Variants in CHD2 observed in about 807,000 individuals in gnomAD.
CHD2 encodes the protein chromodomain helicase DNA binding protein 2, also known as ATP-dependent chromatin remodeler CHD2.
A neutral mutation model predicts 243.9 loss-of-function variants in CHD2; 28 were observed. The ratio of observed to expected loss-of-function variants is 0.11; its 90% CI spans 0.09 to 0.16. The LOEUF is 0.16. CHD2 is among the 10% of genes least tolerant of loss of function. The pLI is 1.00. For synonymous variants in CHD2, 775 were observed against 779.0 expected, an observed-to-expected ratio of 0.99 and a Z score of 0.09; for missense variants, 1,386 against 2,209.8, an observed-to-expected ratio of 0.63 and a Z score of 7.47.
At chr15:92,960,122 G>C (rs2053666151) in intron 16 of CHD2, among the ~76,000 whole-genome samples, 1 of 152,076 alleles carries the variant, frequency 6.6e-6, no homozygotes, top group Admixed American at 6.5e-5. Context: ...TATATTTGGA[G>C]TGGAATTTTT....
At position 92,900,632 on chromosome 15, in the gene CHD2, GT is replaced by G. The variant is rs560673016; in HGVS notation, c.-256del. ...CATTTTTGTGCGCTCTCCTAATGAGGTTTTTTTTCTTTCGGACCTGTTTTAG... is the reference window on the plus strand; with the variant it reads ...CATTTTTGTGCGCTCTCCTAATGAGGTTTTTTTCTTTCGGACCTGTTTTAG... On this transcript the variant is annotated 5_prime_UTR_variant, in exon 1 of 39. It introduces an in-frame stop codon into an upstream open reading frame of the 5' UTR. Transcript: ENST00000394196. The G allele has an allele frequency of 1.5e-5, 6 of 398,006 alleles. No homozygotes were observed. The highest frequency in any genetic ancestry group is 2.7e-5 in the Non-Finnish European group (6 of 225,994). 24.7% of individuals were successfully genotyped at this position (398,006 alleles called of 1,614,324 possible). A position where few individuals can be genotyped will look rare whatever the true frequency, so the allele number is the denominator to read the frequency against.
intron 2 of CHD2, chr15:92,905,130 T>C: frequency 1.2e-6 from 1 of 801,522 alleles, no homozygotes; most frequent in South Asian, 1.9e-5. Context: ...CAACCATTAC[T>C]ATGTAAGTAA....
intron 19 of CHD2, chr15:92,973,845 A>G (rs1347673072): frequency 6.6e-6 from 1 of 152,204 alleles, no homozygotes; most frequent in Non-Finnish European, 1.5e-5. Context: ...AGGCGGCATT[A>G]GGTTTTCTGA....
At chr15:92,908,214 T>A (rs2052658247) in intron 2 of CHD2, among the ~76,000 whole-genome samples, 1 of 151,720 alleles carries the variant, frequency 6.6e-6, no homozygotes, top group Admixed American at 6.6e-5. Context: ...TGTTAGAGAA[T>A]GAATACTGAA....
At chr15:92,940,866 A>AT (rs2053357388) in intron 7 of CHD2, among the ~76,000 whole-genome samples, 1 of 124,494 alleles carries the variant, frequency 8.0e-6, no homozygotes, top group African/African-American at 2.7e-5. Context: ...ATAAATATAT[A>AT]AAAATATACA....
intron 37 of CHD2, among the ~76,000 whole-genome samples, chr15:93,019,732 G>A (rs2054508140): frequency 6.6e-6 from 1 of 152,138 alleles, no homozygotes; most frequent in Non-Finnish European, 1.5e-5. Context: ...TCAGGAGTTT[G>A]AGACCAGCCT....
intron 2 of CHD2, among the ~76,000 whole-genome samples, chr15:92,912,445 C>A (rs904949558): frequency 6.6e-6 from 1 of 152,200 alleles, no homozygotes; most frequent in Non-Finnish European, 1.5e-5. Context: ...TAACCTCTGC[C>A]CCCTGGGTTC....
chr15:92,982,008 A>G (rs2053986426), intron 24 of CHD2, among the ~76,000 whole-genome samples: 1 of 152,214 alleles, frequency 6.6e-6, no homozygotes, highest in South Asian at 2.1e-4. Context: ...AAGCTTAGTG[A>G]AAGAGTACAG....
chr15:92,945,637 A>G (rs377683805), intron 10 of CHD2, 184 bp from the exon 11 acceptor site: 116 of 344,594 alleles, frequency 3.4e-4, no homozygotes, highest in African/African-American at 2.3e-3. Flanking sequence ...GCCTCAAGCA[A>G]TCTGCCTGCC....
At chr15:92,963,791 A>T (rs1339885637) in intron 16 of CHD2, among the ~76,000 whole-genome samples, 1 of 152,252 alleles carries the variant, frequency 6.6e-6, no homozygotes, top group Non-Finnish European at 1.5e-5. Flanking sequence ...TTGAACTTCA[A>T]GTTCTAGGAG....
At chr15:92,949,824 G>C (rs1011476838) in intron 13 of CHD2, among the ~76,000 whole-genome samples, 1 of 152,240 alleles carries the variant, frequency 6.6e-6, no homozygotes, top group Admixed American at 6.5e-5. Context: ...CTGCAGAAAG[G>C]GTGCTTCTTG....
chr15:92,993,263 C>A (rs1184165864), intron 28 of CHD2: 2 of 343,624 alleles, frequency 5.8e-6, no homozygotes, highest in Non-Finnish European at 5.5e-6. Flanking sequence ...TTAAATTCGT[C>A]GGAGTGATGT....
chr15:92,941,581 C>T (rs1442789692), intron 7 of CHD2, among the ~76,000 whole-genome samples: 1 of 151,990 alleles, frequency 6.6e-6, no homozygotes, highest in Admixed American at 6.6e-5. Flanking sequence ...TTATACAAAT[C>T]AGTATAAATA....
chr15:93,011,160 C>G (rs955811656), intron 35 of CHD2, among the ~76,000 whole-genome samples: 1 of 151,820 alleles, frequency 6.6e-6, no homozygotes, highest in African/African-American at 2.4e-5. Flanking sequence ...TTTAAATGTG[C>G]CAGGCACTGT....
intron 2 of CHD2, chr15:92,901,900 T>G (rs2052533995): frequency 3.1e-6 from 1 of 323,510 alleles, no homozygotes. Context: ...TTTTAGGAAA[T>G]TTTGATGTGA....
In CHD2 at chr15:92,932,011, C is replaced by T. The variant is rs142857821; in HGVS notation, c.443+2920C>T. Among the ~76,000 whole-genome samples the T allele has an allele frequency of 9.8e-3, 1,494 of 152,102 alleles. 16 individuals are homozygous for T. Among genetic ancestry groups the T allele is most frequent in the Middle Eastern group, 0.017 (5 of 294 alleles). ...CCGAGTAGCTGGGACTACAGGCGTG[C>T]GCCACCACGTCCAGCTAATTTTTTC... On this transcript the variant is annotated intron_variant, in intron 5 of 38. Coordinates refer to ENST00000394196, the MANE Select transcript of CHD2 (RefSeq NM_001271.4).
chr15:93,007,221 C>G (rs2054332947), intron 34 of CHD2, among the ~76,000 whole-genome samples: 1 of 152,204 alleles, frequency 6.6e-6, no homozygotes. Context: ...ATTTCTGACT[C>G]AGTTAACAGT....
rs745570498 is a variant in CHD2 at position 92,906,522 on chromosome 15, T to C, written c.62+5223T>C. 2.5e-4 allele frequency among the ~76,000 whole-genome samples: 38 copies of C among 152,180 alleles called. 1 individual carries two copies. Among genetic ancestry groups the C allele is most frequent in the Non-Finnish European group, 2.4e-4 (16 of 68,028 alleles). ...CCCCAAATAAAACAACTGACAGTTATGAGAGACCTCCTGAGACCACCTGGT... is the reference window on the plus strand; with the variant it reads ...CCCCAAATAAAACAACTGACAGTTACGAGAGACCTCCTGAGACCACCTGGT... On this transcript the variant is annotated intron_variant, in intron 2 of 38. Coordinates refer to ENST00000394196, the MANE Select transcript of CHD2 (RefSeq NM_001271.4).
chr15:93,022,568 G>A (rs1483769621), intron 38 of CHD2, among the ~76,000 whole-genome samples: 3 of 152,172 alleles, frequency 2.0e-5, no homozygotes, highest in Non-Finnish European at 2.9e-5. Flanking sequence ...CAGTCTTTTC[G>A]GGTGGTCCTT....
Sources: allele counts gnomAD v4.1 joint callset (sites outside exome capture counted in the v4.1 genomes callset), GRCh38; gene constraint gnomAD v4.1.1; transcripts MANE v1.5; gene names NCBI Gene and HGNC (gene_info 2026-07-23, HGNC 2026-07-21).